Variants in EBF1 observed in about 807,000 individuals in gnomAD.
The protein encoded by EBF1 is transcription factor COE1.
EBF1 carries 10 observed loss-of-function variants against 68.4 expected under a neutral mutation model. That is an observed-to-expected ratio of 0.15 (90% CI 0.09 to 0.25). The LOEUF is 0.25. Ranked by LOEUF, EBF1 falls within the 10% of genes least tolerant of loss-of-function variation. EBF1 has a pLI of 1.00. For synonymous variants in EBF1, 298 were observed against 299.8 expected, an observed-to-expected ratio of 0.99 and a Z score of 0.06; for missense variants, 509 against 794.4, an observed-to-expected ratio of 0.64 and a Z score of 4.32.
intron 6 of EBF1, among the ~76,000 whole-genome samples, chr5:159,051,334 C>A (rs1773621840): frequency 6.7e-6 from 1 of 150,232 alleles, no homozygotes; most frequent in Non-Finnish European, 1.5e-5. Context: ...CCACCCTGTC[C>A]CCTCTCTCCC....
intron 6 of EBF1, chr5:158,984,692 T>C (rs1758658110): frequency 6.9e-6 from 1 of 145,512 alleles, no homozygotes; most frequent in Non-Finnish European, 1.5e-5. Context: ...TTTTTTTTTT[T>C]TTTTTTTTTT....
intron 6 of EBF1, among the ~76,000 whole-genome samples, chr5:158,939,169 A>G (rs1812716496): frequency 6.6e-6 from 1 of 152,220 alleles, no homozygotes. Flanking sequence ...CCTCACATGT[A>G]CCTCAGGGCT....
intron 10 of EBF1, among the ~76,000 whole-genome samples, chr5:158,760,643 A>C (rs1336492498): frequency 6.6e-6 from 1 of 152,156 alleles, no homozygotes; most frequent in Non-Finnish European, 1.5e-5. Context: ...GTATCTAAGA[A>C]ATAATGAGCG....
chr5:158,713,444 C>A (rs1374015850), intron 12 of EBF1, among the ~76,000 whole-genome samples: 1 of 152,200 alleles, frequency 6.6e-6, no homozygotes, highest in African/African-American at 2.4e-5. Context: ...CTTAACTATA[C>A]CTTCATACTA....
At chr5:158,796,205 T>A (rs1181084310) in intron 9 of EBF1, 140 bp downstream of exon 9, 1 of 918,446 alleles carries the variant, frequency 1.1e-6, no homozygotes, top group Non-Finnish European at 1.5e-6. Flanking sequence ...ACTCTTCTAG[T>A]TTCCCCAAAT....
At chr5:158,740,942 G>A (rs773320172) in intron 10 of EBF1, among the ~76,000 whole-genome samples, 37 of 152,146 alleles carry the variant, frequency 2.4e-4, no homozygotes, top group South Asian at 4.1e-4. Context: ...GCATCCCTAA[G>A]CCAAAAGCAA....
chr5:158,793,853 G>C (rs1298138486), intron 9 of EBF1, among the ~76,000 whole-genome samples: 1 of 152,132 alleles, frequency 6.6e-6, no homozygotes, highest in Non-Finnish European at 1.5e-5. Flanking sequence ...GCATGAAAAG[G>C]CAGAGAAAAT....
chr5:158,768,386 G>A (rs1773195193), intron 10 of EBF1, among the ~76,000 whole-genome samples: 2 of 152,014 alleles, frequency 1.3e-5, no homozygotes, highest in African/African-American at 2.4e-5. Context: ...TAAATAATAT[G>A]ATGTAAGATA....
At chr5:158,786,478 G>A (rs552678363) in intron 9 of EBF1, among the ~76,000 whole-genome samples, 6 of 151,248 alleles carry the variant, frequency 4.0e-5, no homozygotes, top group African/African-American at 1.5e-4. Flanking sequence ...TGCCAGTTGG[G>A]CCCCATTAAA....
At chr5:158,776,452 T>C (rs1775273192) in intron 10 of EBF1, among the ~76,000 whole-genome samples, 1 of 152,300 alleles carries the variant, frequency 6.6e-6, no homozygotes, top group African/African-American at 2.4e-5. Flanking sequence ...ATGGTTATAA[T>C]TACAATTTGT....
chr5:158,805,061 C>G (rs1327345478), intron 8 of EBF1, among the ~76,000 whole-genome samples: 1 of 152,006 alleles, frequency 6.6e-6, no homozygotes, highest in East Asian at 1.9e-4. Context: ...TATTTTTAGT[C>G]CAATTCTCCT....
chr5:158,874,630 GT>G (rs1036209449), intron 6 of EBF1, among the ~76,000 whole-genome samples: 3 of 151,824 alleles, frequency 2.0e-5, no homozygotes, highest in Non-Finnish European at 2.9e-5. Flanking sequence ...GTGTAGACAG[GT>G]TTTTTTTAGA....
chr5:159,032,661 C>T (rs1221660386), intron 6 of EBF1, among the ~76,000 whole-genome samples: 4 of 152,152 alleles, frequency 2.6e-5, no homozygotes, highest in Non-Finnish European at 4.4e-5. Flanking sequence ...CCTATCTCTC[C>T]GAAACCACCC....
chr5:158,824,414 A>T (rs1486020456), intron 7 of EBF1, among the ~76,000 whole-genome samples: 1 of 152,236 alleles, frequency 6.6e-6, no homozygotes, highest in Admixed American at 6.5e-5. Context: ...AATTAGAATC[A>T]CCTCACTTGA....
intron 10 of EBF1, among the ~76,000 whole-genome samples, chr5:158,756,410 G>A (rs993411540): frequency 6.6e-6 from 1 of 151,944 alleles, no homozygotes; most frequent in Non-Finnish European, 1.5e-5. Context: ...GAACTCTGTT[G>A]GGACAAATTT....
At chr5:158,833,335 TC>T (rs1386447394) in intron 7 of EBF1, among the ~76,000 whole-genome samples, 3 of 151,696 alleles carry the variant, frequency 2.0e-5, no homozygotes, top group Non-Finnish European at 2.9e-5. Context: ...GGTTTTCATC[TC>T]CCACCCCACA....
intron 8 of EBF1, among the ~76,000 whole-genome samples, chr5:158,803,924 T>C (rs951595283): frequency 2.0e-5 from 3 of 146,772 alleles, no homozygotes; most frequent in Admixed American, 6.9e-5. Flanking sequence ...TCATGTATTA[T>C]ATATGAAAAA....
At chr5:159,058,867 C>T (rs1775271386) in intron 6 of EBF1, among the ~76,000 whole-genome samples, 3 of 152,192 alleles carry the variant, frequency 2.0e-5, no homozygotes, top group Admixed American at 1.3e-4. Context: ...GTCAAACACC[C>T]TCCAAACAGT....
intron 9 of EBF1, among the ~76,000 whole-genome samples, chr5:158,785,124 T>C (rs945561490): frequency 1.3e-5 from 2 of 152,136 alleles, no homozygotes; most frequent in Non-Finnish European, 2.9e-5. Flanking sequence ...GGGTACTGAG[T>C]GATAGACATG....
Sources: allele counts gnomAD v4.1 joint callset (sites outside exome capture counted in the v4.1 genomes callset), GRCh38; gene constraint gnomAD v4.1.1; transcripts MANE v1.5; gene names NCBI Gene and HGNC (gene_info 2026-07-23, HGNC 2026-07-21).